The following CDH13 variants were observed in gnomAD, a reference collection of about 807,000 sequenced individuals.
CDH13 encodes cadherin 13, also known as cadherin-13.
In CDH13, 24 loss-of-function variants were observed where a neutral mutation model predicts 63.8. The ratio of observed to expected loss-of-function variants is 0.38; its 90% CI spans 0.27 to 0.53. The LOEUF is 0.53. Among genes scored for constraint, CDH13 ranks in the 20% least tolerant of loss-of-function variants. The pLI is 0.85. For missense variants in CDH13, 1,049 were observed against 903.1 expected (o/e 1.16, Z -2.07); for synonymous variants, 503 against 355.3 (o/e 1.42, Z -4.67).
intron 2 of CDH13, among the ~76,000 whole-genome samples, chr16:82,890,915 G>C (rs766915198): frequency 6.6e-6 from 1 of 152,042 alleles, no homozygotes; most frequent in Non-Finnish European, 1.5e-5. Context: ...GCCTCCCAAA[G>C]TGCTGGGATT....
At chr16:83,764,571 C>T (rs554515014) in intron 11 of CDH13, among the ~76,000 whole-genome samples, 27 of 152,234 alleles carry the variant, frequency 1.8e-4, no homozygotes, top group African/African-American at 5.8e-4. Context: ...TGCCATCTAC[C>T]CAGTCCTCAA....
chr16:82,682,719 G>C (rs1914675435), intron 1 of CDH13, among the ~76,000 whole-genome samples: 1 of 152,190 alleles, frequency 6.6e-6, no homozygotes, highest in Non-Finnish European at 1.5e-5. Context: ...ATTGAGCTTT[G>C]CTAATGGAGA....
At chr16:82,811,140 C>T (rs1244283277) in intron 1 of CDH13, among the ~76,000 whole-genome samples, 1 of 152,092 alleles carries the variant, frequency 6.6e-6, no homozygotes, top group East Asian at 1.9e-4. Flanking sequence ...CATAGGTGTC[C>T]TGGAACTGGT....
chr16:83,076,870 G>C (rs1025108215), intron 3 of CDH13, among the ~76,000 whole-genome samples: 3 of 151,872 alleles, frequency 2.0e-5, no homozygotes, highest in Non-Finnish European at 2.9e-5. Context: ...ATATTACTTT[G>C]GTGCAAAAGT....
In CDH13 at chr16:82,857,888, C is replaced by G. The variant is rs143705117; in HGVS notation, c.46-474C>G. On this transcript the variant is annotated intron_variant, in intron 1 of 13. Coordinates refer to ENST00000567109, the MANE Select transcript of CDH13 (RefSeq NM_001257.5). Reference sequence around the variant, plus strand: ...TCAGTAGCCACCGGTGGTTCATGGTCACCATATTGGGCCACAGTGAAGGCT... The same window carrying G: ...TCAGTAGCCACCGGTGGTTCATGGTGACCATATTGGGCCACAGTGAAGGCT... Among the ~76,000 whole-genome samples the G allele has an allele frequency of 3.1e-3, 470 of 152,286 alleles. 4 individuals are homozygous for G. The highest frequency in any genetic ancestry group is 0.01 in the African/African-American group (421 of 41,564).
intron 7 of CDH13, among the ~76,000 whole-genome samples, chr16:83,507,527 G>C (rs1024897872): frequency 1.3e-5 from 2 of 152,114 alleles, no homozygotes; most frequent in East Asian, 3.9e-4. Flanking sequence ...ATGATAATTG[G>C]TTGCTACTCT....
intron 2 of CDH13, among the ~76,000 whole-genome samples, chr16:82,867,048 C>A (rs2040174997): frequency 6.6e-6 from 1 of 152,214 alleles, no homozygotes; most frequent in South Asian, 2.1e-4. Flanking sequence ...GCCTTGATAA[C>A]TGACAGTTAC....
At chr16:82,718,522 G>C (rs2032541936) in intron 1 of CDH13, among the ~76,000 whole-genome samples, 1 of 152,184 alleles carries the variant, frequency 6.6e-6, no homozygotes, top group East Asian at 1.9e-4. Context: ...GCCAAGCCCT[G>C]AGGTAGGTGG....
chr16:83,139,382 G>C (rs776978994), intron 4 of CDH13, among the ~76,000 whole-genome samples: 1 of 152,164 alleles, frequency 6.6e-6, no homozygotes, highest in Non-Finnish European at 1.5e-5. Flanking sequence ...TGTAACAGCT[G>C]TGTTCACTGT....
At chr16:83,659,606 G>A (rs1348487852) in intron 8 of CDH13, among the ~76,000 whole-genome samples, 1 of 152,172 alleles carries the variant, frequency 6.6e-6, no homozygotes, top group Non-Finnish European at 1.5e-5. Flanking sequence ...ATCTCTGAAA[G>A]CAGGACCCCA....
intron 3 of CDH13, among the ~76,000 whole-genome samples, chr16:83,058,101 C>A (rs548633339): frequency 2.6e-5 from 4 of 152,086 alleles, no homozygotes; most frequent in African/African-American, 9.7e-5. Flanking sequence ...AAATATAAAT[C>A]GTTAAATGTC....
intron 1 of CDH13, among the ~76,000 whole-genome samples, chr16:82,691,480 C>T (rs562800575): frequency 6.6e-6 from 1 of 152,138 alleles, no homozygotes; most frequent in African/African-American, 2.4e-5. Context: ...GAGGCCTGTG[C>T]CATTAACTTC....
At chr16:82,714,749 A>T (rs1323439054) in intron 1 of CDH13, among the ~76,000 whole-genome samples, 2 of 140,642 alleles carry the variant, frequency 1.4e-5, no homozygotes, top group African/African-American at 5.2e-5. Flanking sequence ...AGACACAACG[A>T]CACACAGAGA....
At chr16:83,146,544 C>T (rs1567875753) in intron 4 of CDH13, among the ~76,000 whole-genome samples, 1 of 152,230 alleles carries the variant, frequency 6.6e-6, no homozygotes. Context: ...CTAACTATAT[C>T]TGTCATTTTT....
At chr16:83,356,879 T>C (rs1413884020) in intron 6 of CDH13, among the ~76,000 whole-genome samples, 1 of 152,226 alleles carries the variant, frequency 6.6e-6, no homozygotes, top group Non-Finnish European at 1.5e-5. Context: ...CCAAGTATAG[T>C]ACCCAAGCTA....
chr16:83,192,216 A>G (rs796314785), intron 4 of CDH13, among the ~76,000 whole-genome samples: 4 of 152,260 alleles, frequency 2.6e-5, no homozygotes, highest in African/African-American at 9.6e-5. Context: ...ATTATTGTGA[A>G]TGCAATAATG....
chr16:82,629,557 A>G (rs991612946), intron 1 of CDH13, among the ~76,000 whole-genome samples: 4 of 152,246 alleles, frequency 2.6e-5, no homozygotes, highest in Non-Finnish European at 5.9e-5. Context: ...AGGGAAAAAC[A>G]ATGTAATAAA....
chr16:83,772,514 G>C (rs1914826990), intron 11 of CDH13, among the ~76,000 whole-genome samples: 1 of 152,210 alleles, frequency 6.6e-6, no homozygotes, highest in African/African-American at 2.4e-5. Context: ...TAGGTCAGCA[G>C]AAACTCCCGG....
chr16:82,807,026 T>G (rs1406909357), intron 1 of CDH13, among the ~76,000 whole-genome samples: 1 of 151,838 alleles, frequency 6.6e-6, no homozygotes, highest in Non-Finnish European at 1.5e-5. Flanking sequence ...GATAAGGTTT[T>G]CAGTCCAAAT....
Sources: gnomAD v4.1 joint callset for allele counts (sites outside exome capture counted in the v4.1 genomes callset) on GRCh38, gnomAD v4.1.1 for gene constraint, MANE v1.5 for transcripts, NCBI Gene and HGNC (gene_info 2026-07-23, HGNC 2026-07-21) for gene names.